The following CFAP46 variants were observed in gnomAD, a reference collection of about 807,000 sequenced individuals.
CFAP46 encodes cilia- and flagella-associated protein 46.
In CFAP46, 245 loss-of-function variants were observed where a neutral mutation model predicts 325.7. The ratio of observed to expected loss-of-function variants is 0.75; its 90% CI spans 0.68 to 0.84. The LOEUF (loss-of-function observed/expected upper bound fraction) is 0.84, where lower values mean the gene tolerates loss of function less well. Among genes scored for constraint, CFAP46 ranks in the 40% least tolerant of loss-of-function variants. The pLI is 0.00. For synonymous variants in CFAP46, 1,523 were observed against 1,495.9 expected, an observed-to-expected ratio of 1.02 and a Z score of -0.42; for missense variants, 3,346 against 3,543.0, an observed-to-expected ratio of 0.94 and a Z score of 1.41.
chr10:132,858,005 G>A (rs1471591726), intron 38 of CFAP46, among the ~76,000 whole-genome samples: 3 of 152,236 alleles, frequency 2.0e-5, no homozygotes, highest in Admixed American at 6.5e-5. Flanking sequence ...TTAAGTGTGC[G>A]CTTGAAGGAG....
At chr10:132,839,231 T>C (rs1421429041) in intron 44 of CFAP46, among the ~76,000 whole-genome samples, 3 of 152,242 alleles carry the variant, frequency 2.0e-5, no homozygotes, top group Non-Finnish European at 2.9e-5. Context: ...GTTTTTCCCT[T>C]GTACGGCTCC....
At position 132,916,621 on chromosome 10, in the gene CFAP46, T is replaced by C; in HGVS notation, c.2048A>G (p.Glu683Gly). Residue 683 changes from glutamate to glycine, a missense_variant, in exon 17 of 58, where the codon GAA becomes GGA. Physicochemically the swap from Glu to Gly is moderately conservative, Grantham distance 98. Transcript: ENST00000368586. ...GCCAGCTGGGTGCTGGCTCAGGTCT[T>C]CGGGGGGGATGGCCCGGTCATTCAG... ...VELNDRAIPP[E>G]DLSQHPAGYV... 6.5e-7 allele frequency: 1 copy of C among 1,542,772 alleles called. No individual in the cohort carries two copies.
intron 35 of CFAP46, 45 bp downstream of exon 35, chr10:132,865,980 C>T: frequency 6.9e-7 from 1 of 1,448,464 alleles, no homozygotes; most frequent in East Asian, 2.6e-5. Context: ...GCACAGTGCG[C>T]TGGGAGCGGC....
chr10:132,830,458 G>C (rs1257762708), intron 50 of CFAP46, among the ~76,000 whole-genome samples: 1 of 152,118 alleles, frequency 6.6e-6, no homozygotes, highest in Non-Finnish European at 1.5e-5. Flanking sequence ...TTTTCTTTGT[G>C]GGAAGATTTT....
chr10:132,813,437 C>G (rs1424418724), intron 54 of CFAP46, among the ~76,000 whole-genome samples: 1 of 142,934 alleles, frequency 7.0e-6, no homozygotes, highest in Non-Finnish European at 1.5e-5. Context: ...CACCTCTGCA[C>G]ACACCTGTCC....
intron 50 of CFAP46, among the ~76,000 whole-genome samples, chr10:132,819,826 C>A (rs4880429): frequency 0.34 from 52,201 of 152,134 alleles, 9,990 homozygotes; most frequent in Admixed American, 0.51. Flanking sequence ...TTGACTGGGT[C>A]TTGGCAATGA....
intron 28 of CFAP46, among the ~76,000 whole-genome samples, chr10:132,880,440 T>C (rs1356476578): frequency 6.6e-6 from 1 of 152,026 alleles, no homozygotes; most frequent in Non-Finnish European, 1.5e-5. Context: ...CCACCTCGAG[T>C]CAGAAGCAAC....
intron 5 of CFAP46, among the ~76,000 whole-genome samples, 158 bp downstream of exon 5, chr10:132,938,431 C>A (rs1413639839): frequency 6.6e-6 from 1 of 152,186 alleles, no homozygotes; most frequent in Non-Finnish European, 1.5e-5. Flanking sequence ...GACCTTCGGA[C>A]AAGACACACA....
In CFAP46 at chr10:132,861,359, C is replaced by T. The variant is rs1280483784; in HGVS notation, c.4891-377G>A. ...AGTGGAATCGGCGTTCAGGGAGGCA[C>T]AGCCCCACTCTGGCTGGTCTTCGGG... On this transcript the variant is annotated intron_variant, in intron 35 of 57. Coordinates refer to ENST00000368586, the MANE Select transcript of CFAP46 (RefSeq NM_001200049.3). 2.0e-5 allele frequency among the ~76,000 whole-genome samples: 3 copies of T among 152,252 alleles called. No individual in the cohort carries two copies. The South Asian group carries it at 6.2e-4, about 32-fold the overall frequency.
intron 44 of CFAP46, among the ~76,000 whole-genome samples, chr10:132,838,193 C>T (rs997720401): frequency 5.9e-5 from 9 of 152,244 alleles, no homozygotes; most frequent in East Asian, 3.9e-4. Flanking sequence ...TCACCACCAG[C>T]GGCAGGCGGC....
rs4880451 is a variant in CFAP46, at chr10:132,858,295, G to T, written c.5376-507C>A. On this transcript the variant is annotated intron_variant, in intron 38 of 57. Coordinates refer to ENST00000368586, the MANE Select transcript of CFAP46 (RefSeq NM_001200049.3). ...TTTGCTGGGGGCGGCCCCAGGTTGG[G>T]GGCAGGGAGGTGGGCGGGGCCATGG... is the stretch of plus-strand genomic sequence containing the variant. 9.7e-5 allele frequency among the ~76,000 whole-genome samples: 9 copies of T among 93,142 alleles called. 1 individual carries two copies. Among genetic ancestry groups the T allele is most frequent in the African/African-American group, 1.4e-4 (4 of 28,812 alleles). 61.1% of individuals were successfully genotyped at this position (93,142 alleles called of 152,430 possible). A position where few individuals can be genotyped will look rare whatever the true frequency, so the allele number is the denominator to read the frequency against.
At chr10:132,810,002 C>T (rs939990639) in intron 57 of CFAP46, among the ~76,000 whole-genome samples, 1 of 152,176 alleles carries the variant, frequency 6.6e-6, no homozygotes, top group Admixed American at 6.5e-5. Flanking sequence ...TGCAAGCTGT[C>T]GGCCCCCTAG....
intron 24 of CFAP46, among the ~76,000 whole-genome samples, 175 bp from the exon 25 acceptor site, chr10:132,892,592 C>G (rs1364223895): frequency 6.6e-6 from 1 of 152,194 alleles, no homozygotes; most frequent in Non-Finnish European, 1.5e-5. Flanking sequence ...TTGCCAAATT[C>G]TAAAGCTTAA....
chr10:132,821,846 AGCGCTGATGTGTGCTGTGTGTGC>A (rs1847843415), intron 50 of CFAP46, among the ~76,000 whole-genome samples: 1 of 83,254 alleles, frequency 1.2e-5, no homozygotes, highest in African/African-American at 5.2e-5. Context: ...GTGCTGTGTG[AGCGCTGATGTGTGCTGTGTGTGC>A]TGTGTGCTGT....
chr10:132,915,577 G>A (rs538006652), intron 17 of CFAP46, among the ~76,000 whole-genome samples: 47 of 150,684 alleles, frequency 3.1e-4, no homozygotes, highest in Admixed American at 7.9e-4. Context: ...CTTCTGCCCC[G>A]AGGGACCGGT....
At chr10:132,867,532 C>T (rs899583727) in intron 33 of CFAP46, 25 bp from the exon 34 acceptor site, 22 of 1,545,046 alleles carry the variant, frequency 1.4e-5, no homozygotes, top group Admixed American at 6.0e-5. Context: ...ACAGACAATA[C>T]GCAAGAGCCA....
chr10:132,925,855 C>T (rs1004850735), intron 10 of CFAP46, among the ~76,000 whole-genome samples: 33 of 152,326 alleles, frequency 2.2e-4, no homozygotes, highest in African/African-American at 7.7e-4. Context: ...ACCTCTGGCA[C>T]TGACCCGCAC....
intron 27 of CFAP46, among the ~76,000 whole-genome samples, chr10:132,882,618 G>C (rs1207948098): frequency 6.6e-6 from 1 of 151,998 alleles, no homozygotes; most frequent in Non-Finnish European, 1.5e-5. Flanking sequence ...GTCTGGGCTA[G>C]AGAATTGCTT....
chr10:132,904,982 C>T (rs1591082492), intron 22 of CFAP46, among the ~76,000 whole-genome samples: 1 of 152,134 alleles, frequency 6.6e-6, no homozygotes, highest in Non-Finnish European at 1.5e-5. Flanking sequence ...TACGACGTCA[C>T]GCCAGCCTCT....
Sources: allele counts gnomAD v4.1 joint callset (sites outside exome capture counted in the v4.1 genomes callset), GRCh38; gene constraint gnomAD v4.1.1; transcripts MANE v1.5; gene names NCBI Gene and HGNC (gene_info 2026-07-23, HGNC 2026-07-21).